Variants in KIAA0586 observed in about 807,000 individuals in gnomAD.
KIAA0586 encodes the protein protein TALPID3.
A neutral mutation model predicts 169.8 loss-of-function variants in KIAA0586; 144 were observed. The observed-to-expected ratio is 0.85, with a 90% CI of 0.74 to 0.97. The LOEUF is 0.97. Ranked by LOEUF, KIAA0586 falls within the 50% of genes least tolerant of loss-of-function variation. The probability of loss-of-function intolerance (pLI) is 0.00; values close to 1 mark genes in which losing one functional copy is unlikely to be tolerated. For missense variants in KIAA0586, 1,854 were observed against 1,823.0 expected, an observed-to-expected ratio of 1.02 and a Z score of -0.31; for synonymous variants, 625 against 612.4, an observed-to-expected ratio of 1.02 and a Z score of -0.30.
intron 27 of KIAA0586, among the ~76,000 whole-genome samples, chr14:58,502,128 A>G (rs2043611207): frequency 6.6e-6 from 1 of 151,960 alleles, no homozygotes; most frequent in Non-Finnish European, 1.5e-5. Context: ...GGAAACCATA[A>G]TGTCTTTTTT....
intron 4 of KIAA0586, among the ~76,000 whole-genome samples, chr14:58,436,094 A>G (rs1225594909): frequency 1.3e-5 from 2 of 152,192 alleles, no homozygotes; most frequent in Admixed American, 1.3e-4. Flanking sequence ...TGGGAACAAG[A>G]CAAGATGTCC....
At chr14:58,470,529 A>G in intron 16 of KIAA0586, 84 bp from the exon 17 acceptor site, 2 of 749,394 alleles carry the variant, frequency 2.7e-6, no homozygotes, top group Admixed American at 2.3e-5. Flanking sequence ...ATACACACAC[A>G]CATATACATG....
intron 7 of KIAA0586, among the ~76,000 whole-genome samples, chr14:58,449,543 AAAC>A (rs1054693880): frequency 6.6e-6 from 1 of 152,174 alleles, no homozygotes; most frequent in African/African-American, 2.4e-5. Context: ...ACAAAAAAAC[AAAC>A]AACAACAACA....
At chr14:58,512,133 AT>A (rs1356636946) in intron 28 of KIAA0586, among the ~76,000 whole-genome samples, 5 of 152,188 alleles carry the variant, frequency 3.3e-5, no homozygotes, top group African/African-American at 1.2e-4. Flanking sequence ...GCAGATTTTC[AT>A]TTTATGCAAA....
chr14:58,477,421 T>G (rs536433618), intron 20 of KIAA0586, among the ~76,000 whole-genome samples, 180 bp downstream of exon 20: 1 of 152,320 alleles, frequency 6.6e-6, no homozygotes, highest in East Asian at 1.9e-4. Flanking sequence ...TATTTCATAT[T>G]GCAGCTTTCA....
At chr14:58,467,615 T>G (rs1595229139) in intron 15 of KIAA0586, 120 bp from the exon 16 acceptor site, 1 of 689,906 alleles carries the variant, frequency 1.4e-6, no homozygotes, top group Non-Finnish European at 2.4e-6. Flanking sequence ...GAGGGAGGGG[T>G]GATTGTCAGA....
intron 6 of KIAA0586, among the ~76,000 whole-genome samples, chr14:58,445,783 C>CTT (rs34119416): frequency 0.75 from 94,103 of 124,730 alleles, 38,920 homozygotes; most frequent in Non-Finnish European, 0.91. Context: ...TCAGTAAACT[C>CTT]TTTTTTTTTT....
Position 58,487,872 on chromosome 14 carries a change from A to AC in KIAA0586, c.3305-15_3305-14insC. ...ACTACTATCTTTTTCTGTCCTTTTA[A>AC]AAAAAAACCTTTAGGAGATGATATG... On this transcript the variant is annotated splice_polypyrimidine_tract_variant and intron_variant, in intron 22 of 30. Coordinates refer to ENST00000652326, the MANE Select transcript of KIAA0586 (RefSeq NM_001329943.3). The AC allele has an allele frequency of 1.9e-6, 3 of 1,596,146 alleles. No individual in the cohort carries two copies. Among genetic ancestry groups the AC allele is most frequent in the South Asian group, 1.1e-5 (1 of 88,358 alleles).
chr14:58,495,704 A>G (rs1044068555), intron 26 of KIAA0586, among the ~76,000 whole-genome samples: 1 of 152,080 alleles, frequency 6.6e-6, no homozygotes, highest in Non-Finnish European at 1.5e-5. Context: ...AAGATCTACT[A>G]TATTCTTTTT....
In KIAA0586 at chr14:58,458,852, A is replaced by G. The variant is rs537870624; in HGVS notation, c.1656+307A>G. Reference sequence around the variant, plus strand: ...ATTATACTTGCAAAGATATTTGAAGACAGTGGATTTAGGAGCATTGACCCG... The same window carrying G: ...ATTATACTTGCAAAGATATTTGAAGGCAGTGGATTTAGGAGCATTGACCCG... On this transcript the variant is annotated intron_variant, in intron 12 of 30. Transcript: ENST00000652326. Among the ~76,000 whole-genome samples the G allele has an allele frequency of 8.9e-4, 136 of 152,334 alleles. 1 individual carries two copies. Among genetic ancestry groups the G allele is most frequent in the Non-Finnish European group, 9.4e-4 (64 of 68,008 alleles).
intron 19 of KIAA0586, among the ~76,000 whole-genome samples, chr14:58,476,242 T>C (rs953939155): frequency 3.9e-5 from 6 of 152,200 alleles, no homozygotes; most frequent in African/African-American, 1.4e-4. Flanking sequence ...CTAAATTTTC[T>C]ACAATGAACA....
rs2042117274 is a variant in KIAA0586, at chr14:58,482,662, G to A, written c.3094G>A (p.Val1032Ile). 6.2e-7 allele frequency: 1 copy of A among 1,601,666 alleles called. No homozygotes were observed. Among genetic ancestry groups the A allele is most frequent in the Non-Finnish European group, 8.5e-7 (1 of 1,174,602 alleles). Residue 1032 changes from valine to isoleucine, a missense_variant, in exon 21 of 31, where the codon GTT (valine) becomes ATT (isoleucine). Val to Ile is a conservative substitution (Grantham distance 29, BLOSUM62 3). Coordinates refer to ENST00000652326, the MANE Select transcript of KIAA0586 (RefSeq NM_001329943.3). The stretch of plus-strand genomic sequence containing the variant: ...CAGAGAAGCAAAGAAGCAAGGTCCT[G>A]TTGCTACAGGTGTTTCTGGGGATGC... ...GDREAKKQGP[V>I]ATGVSGDAST...
At chr14:58,458,927 T>G (rs2040097309) in intron 12 of KIAA0586, among the ~76,000 whole-genome samples, 2 of 152,238 alleles carry the variant, frequency 1.3e-5, no homozygotes, top group African/African-American at 2.4e-5. Context: ...CCAACGAGAT[T>G]TACTAAGTTT....
chr14:58,532,455 C>T (rs917667412), intron 29 of KIAA0586, among the ~76,000 whole-genome samples: 1 of 152,146 alleles, frequency 6.6e-6, no homozygotes, highest in Non-Finnish European at 1.5e-5. Flanking sequence ...GACTGGGAAA[C>T]CCAAGTCTTA....
Position 58,427,751 on chromosome 14 carries a change from G to A in KIAA0586, c.-514G>A. 1 of 1,532,836 alleles carries A rather than the reference G, an allele frequency of 6.5e-7. No individual in the cohort carries two copies. The highest frequency in any genetic ancestry group is 8.7e-7 in the Non-Finnish European group (1 of 1,146,006). The allele number at this position is 1,532,836 out of a possible 1,614,324, so 95.0% of individuals were successfully genotyped here. A position where few individuals can be genotyped will look rare whatever the true frequency, so the allele number is the denominator to read the frequency against. ...TCAGATTACACCCACGACGGTGCGG[G>A]TCTCGGGCGTTCTGGAGATACGTAG... On this transcript the variant is annotated 5_prime_UTR_variant, in exon 1 of 31. Coordinates refer to ENST00000652326, the MANE Select transcript of KIAA0586 (RefSeq NM_001329943.3).
At chr14:58,539,486 A>G (rs1405955764) in intron 29 of KIAA0586, among the ~76,000 whole-genome samples, 2 of 152,310 alleles carry the variant, frequency 1.3e-5, no homozygotes, top group East Asian at 1.9e-4. Flanking sequence ...CCTGAGACCT[A>G]TATGTGCTAT....
intron 25 of KIAA0586, 76 bp from the exon 26 acceptor site, chr14:58,492,068 T>C: frequency 8.2e-7 from 1 of 1,216,336 alleles, no homozygotes. Context: ...GATAAGTTTT[T>C]ATTAATCTTA....
Position 58,463,903 on chromosome 14 carries a change from G to A in KIAA0586, c.2060-1932G>A, listed in dbSNP as rs557242052. 205 of 330,002 alleles carry A rather than the reference G, an allele frequency of 6.2e-4. 1 individual carries two copies. Among genetic ancestry groups the A allele is most frequent in the African/African-American group, 3.3e-3 (143 of 43,834 alleles). The allele number at this position is 330,002 out of a possible 1,614,324, so 20.4% of individuals were successfully genotyped here. On this transcript the variant is annotated intron_variant, in intron 14 of 30. Transcript: ENST00000652326. ...CATGTGAAGTGGAAGTGTAGGTGAC[G>A]GTCTGAGACATCACCACCAACCTGG...
the KIAA0586 span, among the ~76,000 whole-genome samples, chr14:58,560,457 T>C: frequency 1.3e-5 from 2 of 152,208 alleles, no homozygotes; most frequent in Admixed American, 6.5e-5. Context: ...GACACTGATA[T>C]ATGATGTCTT....
Sources: allele counts gnomAD v4.1 joint callset (sites outside exome capture counted in the v4.1 genomes callset), GRCh38; gene constraint gnomAD v4.1.1; transcripts MANE v1.5; gene names NCBI Gene and HGNC (gene_info 2026-07-23, HGNC 2026-07-21).